The following SPAG17 variants were observed in gnomAD, a reference collection of about 807,000 sequenced individuals.
SPAG17 encodes sperm associated antigen 17, also known as sperm-associated antigen 17.
A neutral mutation model predicts 273.6 loss-of-function variants in SPAG17; 169 were observed. The observed-to-expected ratio is 0.62, with a 90% CI of 0.55 to 0.70. The LOEUF is 0.70. Among genes scored for constraint, SPAG17 ranks in the 30% least tolerant of loss-of-function variants. The pLI, the probability that SPAG17 is intolerant of heterozygous loss-of-function variation, is 0.00. For synonymous variants in SPAG17, 825 were observed against 873.2 expected, an observed-to-expected ratio of 0.94 and a Z score of 0.97; for missense variants, 2,557 against 2,627.8, an observed-to-expected ratio of 0.97 and a Z score of 0.59.
chr1:117,992,326 C>A, intron 36 of SPAG17, 140 bp downstream of exon 36: 2 of 737,424 alleles, frequency 2.7e-6, no homozygotes, highest in Non-Finnish European at 4.2e-6. Flanking sequence ...TCTCAACCCT[C>A]TACTCTGAAA....
intron 7 of SPAG17, among the ~76,000 whole-genome samples, chr1:118,095,094 A>AT: frequency 6.6e-6 from 1 of 152,178 alleles, no homozygotes; most frequent in Non-Finnish European, 1.5e-5. Context: ...ACATAAAATA[A>AT]TTTTTCTGAA....
chr1:118,124,676 C>A lies in SPAG17; in HGVS notation c.316-9235G>T, dbSNP rs187835025. On this transcript the variant is annotated intron_variant, in intron 3 of 48. Coordinates refer to ENST00000336338, the MANE Select transcript of SPAG17 (RefSeq NM_206996.4). ...TGTGCTGGACAAGGACCGTTCCAGGCACTTCACATATTCCAATCCATTTAA... is the reference window on the plus strand; with the variant it reads ...TGTGCTGGACAAGGACCGTTCCAGGAACTTCACATATTCCAATCCATTTAA... Among the ~76,000 whole-genome samples the A allele has an allele frequency of 9.2e-5, 14 of 152,290 alleles. 1 individual carries two copies. The East Asian group carries it at 1.5e-3, about 17-fold the overall frequency.
At chr1:118,031,532 C>T (rs1553232943) in intron 25 of SPAG17, among the ~76,000 whole-genome samples, 160 bp downstream of exon 25, 1 of 152,074 alleles carries the variant, frequency 6.6e-6, no homozygotes, top group Non-Finnish European at 1.5e-5. Flanking sequence ...GGGTACAAAT[C>T]CTTCTTGTCT....
At chr1:118,159,152 A>C (rs1322610213) in intron 1 of SPAG17, among the ~76,000 whole-genome samples, 5 of 152,238 alleles carry the variant, frequency 3.3e-5, no homozygotes, top group African/African-American at 1.2e-4. Flanking sequence ...CAGAATTTGA[A>C]TTAGAGAAAG....
At position 118,086,957 on chromosome 1, in the gene SPAG17, G is replaced by A. The variant is rs267597951; in HGVS notation, c.1411C>T (p.Pro471Ser). The change falls in exon 11 of 49, where the codon CCC becomes TCC. Residue 471 changes from proline (P) to serine (S), a missense_variant. Transcript: ENST00000336338. ...CTGTGGTCTAGCCCGTCTGCTCTGG[G>A]GGATGGCTCCCGCAGACTGGGTGGG... ...LVPPSLREPSPRADGLDHRIA... is the reference protein window; with the variant it reads ...LVPPSLREPSSRADGLDHRIA... 1 of 1,593,082 alleles carries A rather than the reference G, an allele frequency of 6.3e-7. No homozygotes were observed. The highest frequency in any genetic ancestry group is 8.5e-7 in the Non-Finnish European group (1 of 1,172,342).
At chr1:118,175,851 A>G (rs772954788) in intron 1 of SPAG17, among the ~76,000 whole-genome samples, 1 of 152,244 alleles carries the variant, frequency 6.6e-6, no homozygotes, top group Non-Finnish European at 1.5e-5. Context: ...TATGGTGTGC[A>G]ATCAGCTAAT....
intron 3 of SPAG17, among the ~76,000 whole-genome samples, chr1:118,118,590 A>G (rs76604785): frequency 5.9e-5 from 9 of 152,152 alleles, no homozygotes; most frequent in Non-Finnish European, 1.0e-4. Flanking sequence ...ATGGAGAAAA[A>G]TGTTGCCAGG....
At chr1:117,964,549 CAAAG>C (rs1196583419) in intron 47 of SPAG17, 3 of 151,866 alleles carry the variant, frequency 2.0e-5, no homozygotes, top group Non-Finnish European at 4.4e-5. Flanking sequence ...TGTCATTACT[CAAAG>C]GAAGAGAAAA....
At chr1:118,105,914 A>T (rs554079991) in intron 4 of SPAG17, among the ~76,000 whole-genome samples, 1 of 152,338 alleles carries the variant, frequency 6.6e-6, no homozygotes, top group African/African-American at 2.4e-5. Context: ...GTTAATTCCA[A>T]ATTGTCCAGG....
intron 18 of SPAG17, among the ~76,000 whole-genome samples, chr1:118,056,577 G>A (rs369554193): frequency 5.3e-5 from 8 of 152,144 alleles, no homozygotes; most frequent in East Asian, 1.9e-4. Flanking sequence ...TTATATGAAC[G>A]TCCAAAGAGA....
intron 48 of SPAG17, chr1:117,955,425 C>T (rs1363523462): frequency 2.8e-5 from 40 of 1,424,932 alleles, no homozygotes; most frequent in South Asian, 2.7e-4. Context: ...CTTATCTGAA[C>T]GGGAAATAAA....
At chr1:118,015,887 A>C in intron 29 of SPAG17, 78 bp downstream of exon 29, 1 of 1,231,332 alleles carries the variant, frequency 8.1e-7, no homozygotes, top group Non-Finnish European at 1.2e-6. Context: ...AAATATTATC[A>C]GCTAGGCACT....
intron 3 of SPAG17, among the ~76,000 whole-genome samples, chr1:118,148,632 C>T (rs1659199033): frequency 6.6e-6 from 1 of 152,210 alleles, no homozygotes; most frequent in African/African-American, 2.4e-5. Context: ...TCTAGCTAGA[C>T]AGAAAAGTTC....
intron 20 of SPAG17, among the ~76,000 whole-genome samples, chr1:118,051,025 A>C (rs1346184357): frequency 6.6e-6 from 1 of 152,178 alleles, no homozygotes; most frequent in Non-Finnish European, 1.5e-5. Context: ...AAATATACCT[A>C]AGGAACTCAA....
intron 2 of SPAG17, 107 bp downstream of exon 2, chr1:118,151,122 A>T (rs1659353338): frequency 9.9e-7 from 1 of 1,006,446 alleles, no homozygotes; most frequent in Non-Finnish European, 1.3e-6. Flanking sequence ...TAATCCATCA[A>T]AATTTACAAA....
chr1:118,180,455 G>C (rs1428372219), intron 1 of SPAG17, among the ~76,000 whole-genome samples: 1 of 152,032 alleles, frequency 6.6e-6, no homozygotes, highest in Non-Finnish European at 1.5e-5. Flanking sequence ...AGCGAAGCCA[G>C]GGCATAGAGT....
At chr1:118,013,724 T>C (rs1659697857) in intron 29 of SPAG17, among the ~76,000 whole-genome samples, 1 of 152,166 alleles carries the variant, frequency 6.6e-6, no homozygotes. Context: ...GATTTAGAAT[T>C]ATTGAAACAT....
intron 10 of SPAG17, among the ~76,000 whole-genome samples, chr1:118,087,335 ATCTT>A (rs1424544888): frequency 2.0e-5 from 3 of 152,238 alleles, no homozygotes; most frequent in Non-Finnish European, 4.4e-5. Flanking sequence ...TATTTACTCT[ATCTT>A]AAAGCAGTGG....
intron 27 of SPAG17, among the ~76,000 whole-genome samples, chr1:118,023,666 AT>A (rs1647376874): frequency 2.0e-5 from 3 of 152,064 alleles, no homozygotes; most frequent in African/African-American, 7.2e-5. Context: ...TACCACCATA[AT>A]AATATTATTT....
Sources: allele counts gnomAD v4.1 joint callset (sites outside exome capture counted in the v4.1 genomes callset), GRCh38; gene constraint gnomAD v4.1.1; transcripts MANE v1.5; gene names NCBI Gene and HGNC (gene_info 2026-07-23, HGNC 2026-07-21).